STX18: variants seen among roughly 807,000 people sequenced by gnomAD.
STX18 encodes syntaxin 18, also known as syntaxin-18.
A neutral mutation model predicts 50.1 loss-of-function variants in STX18; 40 were observed. That is an observed-to-expected ratio of 0.80 (90% CI 0.62 to 1.04). STX18 has a LOEUF of 1.04. Ranked by LOEUF, STX18 falls within the 50% of genes least tolerant of loss-of-function variation. The pLI is 0.00. For missense variants in STX18, 410 were observed against 415.8 expected (o/e 0.99, Z 0.12); for synonymous variants, 158 against 151.8 (o/e 1.04, Z -0.30).
At chr4:4,448,850 T>C (rs2108804588) in intron 5 of STX18, among the ~76,000 whole-genome samples, 1 of 152,286 alleles carries the variant, frequency 6.6e-6, no homozygotes, top group Admixed American at 6.5e-5. Flanking sequence ...GTATCTTTCA[T>C]TCCAACCCAA....
intron 1 of STX18, among the ~76,000 whole-genome samples, chr4:4,479,621 A>C (rs1217728201): frequency 6.6e-6 from 1 of 152,214 alleles, no homozygotes; most frequent in Non-Finnish European, 1.5e-5. Context: ...GACTCATCCC[A>C]TTCTTTCTCC....
intron 2 of STX18, among the ~76,000 whole-genome samples, chr4:4,464,806 T>A (rs1422789217): frequency 7.1e-6 from 1 of 141,830 alleles, no homozygotes; most frequent in African/African-American, 3.0e-5. Context: ...CTTTTCTTCT[T>A]TATTAGTCTA....
At chr4:4,537,420 GCC>G (rs1239200791) in intron 1 of STX18, among the ~76,000 whole-genome samples, 1 of 152,112 alleles carries the variant, frequency 6.6e-6, no homozygotes, top group Non-Finnish European at 1.5e-5. Context: ...TAGCATCCAA[GCC>G]ACCTATTAAC....
intron 1 of STX18, among the ~76,000 whole-genome samples, chr4:4,540,753 C>T (rs1274271838): frequency 6.6e-6 from 1 of 152,174 alleles, no homozygotes; most frequent in Non-Finnish European, 1.5e-5. Context: ...GGTCCAATCC[C>T]CTTTCTAATG....
At chr4:4,478,149 ATGAGAGTATTTG>A (rs1415001916) in intron 1 of STX18, among the ~76,000 whole-genome samples, 1 of 151,766 alleles carries the variant, frequency 6.6e-6, no homozygotes, top group Admixed American at 6.6e-5. Flanking sequence ...ACTGAGCTTC[ATGAGAGTATTTG>A]TGAGAGTATT....
intron 1 of STX18, among the ~76,000 whole-genome samples, chr4:4,535,037 AACT>A (rs1216224712): frequency 6.6e-6 from 1 of 152,122 alleles, no homozygotes; most frequent in Non-Finnish European, 1.5e-5. Context: ...TCTGGCCCCA[AACT>A]GCCCTACTGT....
At chr4:4,503,177 C>T (rs1004534649) in intron 1 of STX18, among the ~76,000 whole-genome samples, 2 of 152,118 alleles carry the variant, frequency 1.3e-5, no homozygotes, top group Non-Finnish European at 2.9e-5. Flanking sequence ...TGGCAGTGCC[C>T]TAACAAAAGC....
intron 5 of STX18, among the ~76,000 whole-genome samples, chr4:4,445,718 T>C (rs1430733362): frequency 6.6e-6 from 1 of 152,098 alleles, no homozygotes; most frequent in Non-Finnish European, 1.5e-5. Flanking sequence ...TGCAAAGATA[T>C]ACTATGTTTG....
At chr4:4,458,445 T>C (rs1277027108) in intron 3 of STX18, among the ~76,000 whole-genome samples, 1 of 152,210 alleles carries the variant, frequency 6.6e-6, no homozygotes, top group Non-Finnish European at 1.5e-5. Context: ...CAAGAATGCC[T>C]ATTGCTTCCA....
chr4:4,420,609 C>T lies in STX18; in HGVS notation c.912+255G>A, dbSNP rs895926139. 85 of 510,660 alleles carry T rather than the reference C, an allele frequency of 1.7e-4. No individual in the cohort carries two copies. In the East Asian group the frequency reaches 2.3e-3, roughly 14 times the overall value. The allele number at this position is 510,660 out of a possible 1,614,324, so 31.6% of individuals were successfully genotyped here. ...GACATGAAGAGCTGGCCTGACCCTG[C>T]CAGGAGTACCCCCACCCACCCTGGA... On this transcript the variant is annotated intron_variant, in intron 10 of 10. Transcript: ENST00000306200. This position sits in a 1 kb window ranked among gnomAD's most constrained non-coding sequence, Gnocchi z 4.3.
intron 1 of STX18, among the ~76,000 whole-genome samples, chr4:4,494,674 G>A (rs577856635): frequency 0.069 from 10,559 of 152,108 alleles, 1,173 homozygotes; most frequent in African/African-American, 0.24. Context: ...CACATGCTGA[G>A]GAATTAACAA....
chr4:4,428,734 G>A (rs1258132169), intron 7 of STX18, among the ~76,000 whole-genome samples: 1 of 152,156 alleles, frequency 6.6e-6, no homozygotes, highest in Non-Finnish European at 1.5e-5. Context: ...TCACTAGCTA[G>A]TATCTGTCTC....
chr4:4,420,802 CACCCGCTGCTGGG>C lies in STX18; in HGVS notation c.912+49_912+61del. ...TGGGCAGCTGTGCCGGCGAGACTAA[CACCCGCTGCTGGG>C]ACTCAGTGCTGCGCCACGTCGCACC... On this transcript the variant is annotated intron_variant, in intron 10 of 10. Transcript: ENST00000306200. This position sits in a 1 kb window ranked among gnomAD's most constrained non-coding sequence, Gnocchi z 4.3. The C allele has an allele frequency of 6.8e-7, 1 of 1,464,960 alleles. No individual in the cohort carries two copies. The highest frequency in any genetic ancestry group is 1.1e-5 in the South Asian group (1 of 87,886). The allele number at this position is 1,464,960 out of a possible 1,614,324, so 90.7% of individuals were successfully genotyped here.
intron 7 of STX18, among the ~76,000 whole-genome samples, chr4:4,428,590 C>T (rs1007503764): frequency 6.6e-6 from 1 of 152,038 alleles, no homozygotes; most frequent in Non-Finnish European, 1.5e-5. Context: ...GCAAAATGAG[C>T]GGTCAGATGC....
intron 7 of STX18, among the ~76,000 whole-genome samples, chr4:4,427,141 G>T: frequency 6.6e-6 from 1 of 152,188 alleles, no homozygotes; most frequent in African/African-American, 2.4e-5. Context: ...CCCAGCCCAG[G>T]GCCTCACACA....
intron 1 of STX18, among the ~76,000 whole-genome samples, chr4:4,535,970 G>C (rs908809107): frequency 5.3e-5 from 8 of 152,220 alleles, no homozygotes; most frequent in African/African-American, 1.9e-4. Flanking sequence ...CCTCTGAAAA[G>C]GAAATCAAGG....
chr4:4,491,493 C>T lies in STX18; in HGVS notation c.169-19787G>A, dbSNP rs149751677. ...TGAAGTGTCTCTACTATAGATTTTA[C>T]ACTACATTTATTAAAATATGACAAA... On this transcript the variant is annotated intron_variant, in intron 1 of 10. Coordinates refer to ENST00000306200, the MANE Select transcript of STX18 (RefSeq NM_016930.4). Among the ~76,000 whole-genome samples the T allele has an allele frequency of 3.7e-3, 560 of 152,136 alleles. 3 individuals are homozygous for T. The highest frequency in any genetic ancestry group is 0.021 in the Middle Eastern group (6 of 292).
intron 1 of STX18, among the ~76,000 whole-genome samples, chr4:4,515,367 G>C (rs1044798344): frequency 6.6e-6 from 1 of 152,078 alleles, no homozygotes; most frequent in African/African-American, 2.4e-5. Context: ...TCTAAAAATT[G>C]TGGTCATCTT....
intron 7 of STX18, among the ~76,000 whole-genome samples, chr4:4,432,864 A>G (rs80105220): frequency 2.6e-5 from 4 of 152,254 alleles, no homozygotes; most frequent in East Asian, 3.8e-4. Flanking sequence ...TTGGCGGCCA[A>G]TGCTCACGAG....
Sources: allele counts gnomAD v4.1 joint callset (sites outside exome capture counted in the v4.1 genomes callset), GRCh38; gene constraint gnomAD v4.1.1; non-coding constraint Gnocchi (gnomAD v3.1); transcripts MANE v1.5; gene names NCBI Gene and HGNC (gene_info 2026-07-23, HGNC 2026-07-21).